CATSPERE: variants seen among roughly 807,000 people sequenced by gnomAD.
CATSPERE encodes the protein catsper channel auxiliary subunit epsilon.
In CATSPERE, 93 loss-of-function variants were observed where a neutral mutation model predicts 114.1. The observed-to-expected ratio is 0.81, with a 90% CI of 0.69 to 0.97. The LOEUF (loss-of-function observed/expected upper bound fraction) is 0.97. CATSPERE is among the 50% of genes least tolerant of loss of function. The probability of loss-of-function intolerance (pLI) is 0.00; values close to 1 mark genes in which losing one functional copy is unlikely to be tolerated. For synonymous variants in CATSPERE, 341 were observed against 384.1 expected, an observed-to-expected ratio of 0.89 and a Z score of 1.31; for missense variants, 1,058 against 1,131.6, an observed-to-expected ratio of 0.93 and a Z score of 0.93.
At chr1:244,539,198 G>A (rs1399837688) in intron 8 of CATSPERE, among the ~76,000 whole-genome samples, 3 of 151,754 alleles carry the variant, frequency 2.0e-5, no homozygotes, top group East Asian at 1.9e-4. Flanking sequence ...GTTGAATTTT[G>A]TCAAAGGCCT....
At chr1:244,619,339 A>C (rs901462159) in intron 20 of CATSPERE, among the ~76,000 whole-genome samples, 31 of 152,236 alleles carry the variant, frequency 2.0e-4, no homozygotes, top group African/African-American at 6.5e-4. Context: ...AATAAAAGAA[A>C]AATGAAGACA....
intron 6 of CATSPERE, 35 bp downstream of exon 6, chr1:244,490,506 A>G (rs764028425): frequency 1.7e-6 from 2 of 1,198,984 alleles, no homozygotes; most frequent in East Asian, 4.7e-5. Flanking sequence ...TAGCCTTCAT[A>G]TATCACTAGT....
chr1:244,478,289 C>A (rs1322863044), intron 4 of CATSPERE, among the ~76,000 whole-genome samples: 1 of 152,132 alleles, frequency 6.6e-6, no homozygotes, highest in Non-Finnish European at 1.5e-5. Context: ...CTGTCATACA[C>A]CCCTGTGACA....
intron 8 of CATSPERE, among the ~76,000 whole-genome samples, chr1:244,548,234 A>T (rs766548868): frequency 6.6e-6 from 1 of 152,218 alleles, no homozygotes; most frequent in Non-Finnish European, 1.5e-5. Flanking sequence ...TCCAGCCACC[A>T]TTGTCATCAC....
intron 8 of CATSPERE, among the ~76,000 whole-genome samples, chr1:244,536,055 C>G (rs1334296768): frequency 6.6e-6 from 1 of 151,950 alleles, no homozygotes; most frequent in Non-Finnish European, 1.5e-5. Flanking sequence ...GAAATGTCGT[C>G]TAGGAACTAG....
At chr1:244,628,768 G>T (rs930158297) in intron 20 of CATSPERE, among the ~76,000 whole-genome samples, 5 of 152,162 alleles carry the variant, frequency 3.3e-5, no homozygotes, top group Admixed American at 1.3e-4. Context: ...GAGCTATAGC[G>T]CCACAGCTGT....
chr1:244,472,380 G>A (rs1668629673), intron 2 of CATSPERE, among the ~76,000 whole-genome samples: 1 of 152,176 alleles, frequency 6.6e-6, no homozygotes, highest in South Asian at 2.1e-4. Context: ...TAATATCAGA[G>A]TCACAATTCC....
At chr1:244,475,075 A>G (rs913872011) in intron 2 of CATSPERE, among the ~76,000 whole-genome samples, 2 of 152,100 alleles carry the variant, frequency 1.3e-5, no homozygotes, top group African/African-American at 4.8e-5. Context: ...TTTTAAAACT[A>G]CATCCCCAAA....
At chr1:244,479,667 C>A in intron 4 of CATSPERE, 50 bp from the exon 5 acceptor site, 2 of 1,159,030 alleles carry the variant, frequency 1.7e-6, no homozygotes, top group South Asian at 1.3e-5. Context: ...TCCATATTTG[C>A]ATTTGATTTA....
At chr1:244,595,589 C>G (rs1180934558) in intron 17 of CATSPERE, among the ~76,000 whole-genome samples, 1 of 152,192 alleles carries the variant, frequency 6.6e-6, no homozygotes, top group Non-Finnish European at 1.5e-5. Flanking sequence ...GTGGATTCCA[C>G]ACCACGGAAG....
chr1:244,564,134 A>G (rs1351066666), intron 10 of CATSPERE, among the ~76,000 whole-genome samples: 1 of 152,308 alleles, frequency 6.6e-6, no homozygotes, highest in Middle Eastern at 3.4e-3. Context: ...TACCAGTACC[A>G]TGCTGTTTTG....
At chr1:244,572,997 C>T (rs1664688352) in intron 11 of CATSPERE, among the ~76,000 whole-genome samples, 1 of 151,934 alleles carries the variant, frequency 6.6e-6, no homozygotes, top group Non-Finnish European at 1.5e-5. Context: ...TCCTTCAAAA[C>T]TCATTGTCAA....
At chr1:244,553,345 AT>A (rs1210283046) in intron 9 of CATSPERE, among the ~76,000 whole-genome samples, 5 of 151,888 alleles carry the variant, frequency 3.3e-5, no homozygotes, top group Non-Finnish European at 5.9e-5. Context: ...GCAGATCACA[AT>A]GTCAGGAGAT....
intron 20 of CATSPERE, among the ~76,000 whole-genome samples, chr1:244,619,736 A>C (rs1671850238): frequency 6.6e-6 from 1 of 152,190 alleles, no homozygotes; most frequent in South Asian, 2.1e-4. Flanking sequence ...TGAAGGTAAG[A>C]GGATGCCTAC....
intron 14 of CATSPERE, among the ~76,000 whole-genome samples, chr1:244,591,281 T>C (rs1190056037): frequency 6.7e-6 from 1 of 149,250 alleles, no homozygotes; most frequent in Admixed American, 6.6e-5. Context: ...ACTTCACATC[T>C]ACTCTCTTTG....
At chr1:244,508,548 A>T (rs377546910) in intron 7 of CATSPERE, among the ~76,000 whole-genome samples, 1 of 151,148 alleles carries the variant, frequency 6.6e-6, no homozygotes. Context: ...TGATCCGCCC[A>T]CCTTGGCCTC....
At chr1:244,457,478 T>G (rs560858615), upstream of CATSPERE, 2 of 152,318 alleles carry the variant, frequency 1.3e-5, no homozygotes, top group South Asian at 4.1e-4. Flanking sequence ...GTTTTTTCCT[T>G]TGGATAAATG....
At chr1:244,602,208 C>A (rs1201123842) in intron 17 of CATSPERE, among the ~76,000 whole-genome samples, 13 of 152,280 alleles carry the variant, frequency 8.5e-5, no homozygotes, top group Middle Eastern at 3.4e-3. Context: ...CTTTTACTTC[C>A]AATTATCCTA....
At chr1:244,526,969 G>C (rs574599484) in intron 8 of CATSPERE, among the ~76,000 whole-genome samples, 2 of 152,106 alleles carry the variant, frequency 1.3e-5, no homozygotes, top group Non-Finnish European at 2.9e-5. Flanking sequence ...TATGAATAGG[G>C]TGTGGGTCAC....
Sources: allele counts gnomAD v4.1 joint callset (sites outside exome capture counted in the v4.1 genomes callset), GRCh38; gene constraint gnomAD v4.1.1; transcripts MANE v1.5; gene names NCBI Gene and HGNC (gene_info 2026-07-23, HGNC 2026-07-21).